EPB41L3: variants seen among roughly 807,000 people sequenced by gnomAD.
EPB41L3 encodes erythrocyte membrane protein band 4.1 like 3, also known as band 4.1-like protein 3.
Under a neutral mutation model 127.1 loss-of-function variants are expected in EPB41L3, and 57 were observed. That is an observed-to-expected ratio of 0.45 (90% CI 0.36 to 0.56). The LOEUF (loss-of-function observed/expected upper bound fraction) is 0.56. Ranked by LOEUF, EPB41L3 falls within the 20% of genes least tolerant of loss-of-function variation. EPB41L3 has a pLI of 0.00. For missense variants in EPB41L3, 1,273 were observed against 1,372.2 expected, an observed-to-expected ratio of 0.93 and a Z score of 1.14; for synonymous variants, 572 against 549.5, an observed-to-expected ratio of 1.04 and a Z score of -0.57.
intron 3 of EPB41L3, among the ~76,000 whole-genome samples, chr18:5,457,372 C>T (rs939968067): frequency 1.5e-4 from 23 of 151,814 alleles, no homozygotes; most frequent in African/African-American, 5.6e-4. Flanking sequence ...GGAAGCTCTG[C>T]TCCCCTGCTT....
At chr18:5,419,055 C>T (rs1332193430) in intron 12 of EPB41L3, among the ~76,000 whole-genome samples, 1 of 151,818 alleles carries the variant, frequency 6.6e-6, no homozygotes, top group Non-Finnish European at 1.5e-5. Flanking sequence ...TGCTGGATCA[C>T]CAGAAAAAAA....
chr18:5,533,285 A>G (rs1598740207), intron 1 of EPB41L3, among the ~76,000 whole-genome samples: 2 of 152,332 alleles, frequency 1.3e-5, no homozygotes, highest in South Asian at 4.1e-4. Flanking sequence ...CAAAGACTGA[A>G]GTTCCTTCTT....
chr18:5,552,148 C>T (rs147792214), intron 3 of EPB41L3, among the ~76,000 whole-genome samples: 19 of 152,360 alleles, frequency 1.2e-4, no homozygotes, highest in African/African-American at 3.6e-4. Flanking sequence ...CCATTCTCTA[C>T]GAAGTGAGTC....
chr18:5,428,442 C>A lies in EPB41L3; in HGVS notation c.936G>T (p.Met312Ile). ...ACAGACCACTTGCACAAACTCCTAA[C>A]ATAATTTCTACCCCTTCTGAGTCCT... ...HAKDSEGVEI[M>I]LGVCASGLLI... Residue 312 changes from methionine to isoleucine, a missense_variant, in exon 9 of 23, where the codon ATG becomes ATT. Physicochemically the swap from Met to Ile is conservative, Grantham distance 10. This residue lies in a region of EPB41L3 where 326 missense variants were observed against 440.2 expected (regional missense o/e 0.74). Coordinates refer to ENST00000341928, the MANE Select transcript of EPB41L3 (RefSeq NM_012307.5). 1 of 1,614,222 alleles carries A rather than the reference C, an allele frequency of 6.2e-7. No individual in the cohort carries two copies. Among genetic ancestry groups the A allele is most frequent in the Non-Finnish European group, 8.5e-7 (1 of 1,180,044 alleles).
intron 1 of EPB41L3, among the ~76,000 whole-genome samples, chr18:5,499,829 G>GTATATATATATATATATATATATA (rs35194563): frequency 1.3e-4 from 16 of 124,618 alleles, no homozygotes; most frequent in African/African-American, 4.3e-4. Context: ...CTATGTGTGT[G>GTATATATATATATATATATATATA]TATATATATA....
intron 3 of EPB41L3, among the ~76,000 whole-genome samples, chr18:5,475,389 C>A (rs1415399257): frequency 1.3e-5 from 2 of 152,014 alleles, no homozygotes; most frequent in Non-Finnish European, 2.9e-5. Context: ...CATGGGTTAC[C>A]ATTAGCCCTC....
chr18:5,441,452 T>C (rs1373495902), intron 5 of EPB41L3, among the ~76,000 whole-genome samples: 1 of 142,700 alleles, frequency 7.0e-6, no homozygotes, highest in Non-Finnish European at 1.5e-5. Context: ...GGTAAAAATA[T>C]CGAATTCCAA....
At chr18:5,472,397 C>T (rs548340747) in intron 3 of EPB41L3, among the ~76,000 whole-genome samples, 7 of 152,286 alleles carry the variant, frequency 4.6e-5, no homozygotes, top group African/African-American at 1.7e-4. Flanking sequence ...ACTGCTGCTG[C>T]TGGATGGGGC....
At chr18:5,488,305 A>C (rs2090112778) in intron 2 of EPB41L3, among the ~76,000 whole-genome samples, 1 of 152,104 alleles carries the variant, frequency 6.6e-6, no homozygotes, top group Non-Finnish European at 1.5e-5. Context: ...TTAGCAAACT[A>C]ACACAGGAAC....
intron 3 of EPB41L3, among the ~76,000 whole-genome samples, chr18:5,466,615 G>T (rs2085042474): frequency 6.6e-6 from 1 of 152,152 alleles, no homozygotes; most frequent in Admixed American, 6.5e-5. Context: ...TCAACTCTAA[G>T]AACTTGTGTT....
chr18:5,600,716 C>T (rs1599229542), intron 3 of EPB41L3, among the ~76,000 whole-genome samples: 1 of 152,104 alleles, frequency 6.6e-6, no homozygotes, highest in Non-Finnish European at 1.5e-5. Flanking sequence ...ACCAACAAAA[C>T]CAATGTTCTT....
At chr18:5,426,857 A>C (rs933463398) in intron 9 of EPB41L3, among the ~76,000 whole-genome samples, 1 of 152,264 alleles carries the variant, frequency 6.6e-6, no homozygotes, top group African/African-American at 2.4e-5. Context: ...TCTATTGGCT[A>C]TAAGTTTAAT....
chr18:5,464,868 T>C (rs774031007), intron 3 of EPB41L3, among the ~76,000 whole-genome samples: 3 of 152,052 alleles, frequency 2.0e-5, no homozygotes, highest in Admixed American at 6.6e-5. Context: ...AAAAAGAGGG[T>C]TGACTTCCTC....
intron 3 of EPB41L3, among the ~76,000 whole-genome samples, chr18:5,466,827 T>C (rs950486391): frequency 2.6e-5 from 4 of 152,248 alleles, no homozygotes; most frequent in Admixed American, 1.3e-4. Flanking sequence ...TCTAATCTTG[T>C]GGCTGATGAC....
chr18:5,589,933 G>A (rs543874191), intron 3 of EPB41L3, among the ~76,000 whole-genome samples: 1 of 152,294 alleles, frequency 6.6e-6, no homozygotes, highest in East Asian at 1.9e-4. Flanking sequence ...GTTCAGTGGA[G>A]TAAAATTGTG....
At chr18:5,416,519 T>A in intron 12 of EPB41L3, 141 bp from the exon 13 acceptor site, 7 of 843,066 alleles carry the variant, frequency 8.3e-6, no homozygotes, top group Non-Finnish European at 1.2e-5. Flanking sequence ...GGGTTGCTCA[T>A]GAATGTTAAA....
At chr18:5,410,178 A>G (rs1420651194) in intron 14 of EPB41L3, among the ~76,000 whole-genome samples, 1 of 151,944 alleles carries the variant, frequency 6.6e-6, no homozygotes. Context: ...TCATTCTATT[A>G]TACATCTGTA....
rs547377135 is a variant in EPB41L3, at chr18:5,598,909, C to T, written c.-306+13431G>A. Among the ~76,000 whole-genome samples, 8 of 152,120 alleles carry T rather than the reference C, an allele frequency of 5.3e-5. 1 individual carries two copies. In the South Asian group the frequency reaches 1.4e-3, roughly 28 times the overall value. On this transcript the variant is annotated intron_variant, in intron 3 of 21. Transcript: ENST00000545076. Reference sequence around the variant, plus strand: ...TTAAACTGAAAGTTTCTTGAGGACACGGACAGCATCAACTCCCTTGGAATC... The same window carrying T: ...TTAAACTGAAAGTTTCTTGAGGACATGGACAGCATCAACTCCCTTGGAATC...
chr18:5,398,003 A>G lies in EPB41L3; in HGVS notation c.2472+18T>C. 6.2e-7 allele frequency: 1 copy of G among 1,614,070 alleles called. No individual in the cohort carries two copies. Among genetic ancestry groups the G allele is most frequent in the South Asian group, 1.1e-5 (1 of 91,086 alleles). ...ATGGGCACATTCAGAAACACCAAGGACGAAAACAAATGGCCACCTGAACCC... is the reference window on the plus strand; with the variant it reads ...ATGGGCACATTCAGAAACACCAAGGGCGAAAACAAATGGCCACCTGAACCC... On this transcript the variant is annotated intron_variant, in intron 17 of 22. Coordinates refer to ENST00000341928, the MANE Select transcript of EPB41L3 (RefSeq NM_012307.5).
Sources: gnomAD v4.1 joint callset for allele counts (sites outside exome capture counted in the v4.1 genomes callset) on GRCh38, gnomAD v4.1.1 for gene constraint, gnomAD v4.1.1 regional missense constraint, MANE v1.5 for transcripts, NCBI Gene and HGNC (gene_info 2026-07-23, HGNC 2026-07-21) for gene names.